The following PEAK1 variants were observed in gnomAD, a reference collection of about 807,000 sequenced individuals.
The protein encoded by PEAK1 is inactive tyrosine-protein kinase PEAK1.
In PEAK1, 54 loss-of-function variants were observed where a neutral mutation model predicts 124.7. That is an observed-to-expected ratio of 0.43 (90% CI 0.35 to 0.54). The LOEUF (loss-of-function observed/expected upper bound fraction) is 0.54. Among genes scored for constraint, PEAK1 ranks in the 20% least tolerant of loss-of-function variants. PEAK1 has a pLI of 0.01. For synonymous variants in PEAK1, 719 were observed against 760.0 expected (o/e 0.95, Z 0.89); for missense variants, 2,046 against 2,134.5 (o/e 0.96, Z 0.82).
intron 6 of PEAK1, among the ~76,000 whole-genome samples, chr15:77,182,478 T>C (rs1280203519): frequency 6.6e-6 from 1 of 152,084 alleles, no homozygotes; most frequent in East Asian, 1.9e-4. Context: ...CTGGGTGCAG[T>C]GGCTCATGCC....
chr15:77,313,872 G>A (rs1057017838), intron 2 of PEAK1, among the ~76,000 whole-genome samples: 5 of 151,406 alleles, frequency 3.3e-5, no homozygotes, highest in East Asian at 1.9e-4. Flanking sequence ...GTGAGCCACC[G>A]TGCCCGGCCA....
chr15:77,112,173 G>A lies in PEAK1; in HGVS notation c.*1983C>T, dbSNP rs904599420. 1 of 152,198 alleles carries A rather than the reference G, an allele frequency of 6.6e-6. No individual in the cohort carries two copies. The highest frequency in any genetic ancestry group is 1.5e-5 in the Non-Finnish European group (1 of 68,038). The allele number at this position is 152,198 out of a possible 1,614,324, so 9.4% of individuals were successfully genotyped here. On this transcript the variant is annotated 3_prime_UTR_variant, in exon 10 of 10. Transcript: ENST00000682557. ...TGTGGGCTAACCAGCCTTCTTTCCT[G>A]TGAGTCCTATATTGCTGGCCAGGGG... is the stretch of plus-strand genomic sequence containing the variant.
intron 6 of PEAK1, among the ~76,000 whole-genome samples, chr15:77,206,548 G>GCA: frequency 6.6e-6 from 1 of 151,652 alleles, no homozygotes; most frequent in Non-Finnish European, 1.5e-5. Flanking sequence ...ATCTCATAGT[G>GCA]GTTTTGATTT....
chr15:77,228,951 G>T (rs933633574), intron 6 of PEAK1, among the ~76,000 whole-genome samples: 1 of 152,022 alleles, frequency 6.6e-6, no homozygotes, highest in Admixed American at 6.6e-5. Flanking sequence ...TGCCATAGGG[G>T]ACTCTTTATG....
At chr15:77,300,562 C>T (rs765072190) in intron 2 of PEAK1, among the ~76,000 whole-genome samples, 2 of 152,122 alleles carry the variant, frequency 1.3e-5, no homozygotes, top group African/African-American at 2.4e-5. Context: ...TCTCCAATTA[C>T]GAACATTTTA....
intron 5 of PEAK1, 139 bp from the exon 6 acceptor site, chr15:77,252,665 T>C: frequency 2.0e-6 from 1 of 496,828 alleles, no homozygotes; most frequent in Non-Finnish European, 2.6e-6. Flanking sequence ...ATATCTTTTC[T>C]ACTTAGGTGG....
intron 5 of PEAK1, among the ~76,000 whole-genome samples, chr15:77,271,351 A>G (rs1255245962): frequency 6.6e-6 from 1 of 152,220 alleles, no homozygotes; most frequent in Admixed American, 6.5e-5. Context: ...AACTAGTTCA[A>G]CCATTGTGGA....
At chr15:77,417,460 G>GA in intron 1 of PEAK1, 1 of 786,998 alleles carries the variant, frequency 1.3e-6, no homozygotes, top group Non-Finnish European at 1.5e-6. Context: ...GATGCGGGGC[G>GA]GGGGGGGAGG....
chr15:77,218,317 A>G (rs1428728086), intron 6 of PEAK1, among the ~76,000 whole-genome samples: 1 of 152,134 alleles, frequency 6.6e-6, no homozygotes, highest in Non-Finnish European at 1.5e-5. Flanking sequence ...TTACTTTGAT[A>G]CAAACATTTT....
chr15:77,119,265 G>C (rs539043904), intron 9 of PEAK1, among the ~76,000 whole-genome samples: 1 of 152,296 alleles, frequency 6.6e-6, no homozygotes, highest in African/African-American at 2.4e-5. Flanking sequence ...AGGAGTCAGA[G>C]GAACATCAAA....
At chr15:77,297,757 CAAAAAAAAAAA>C (rs370114659) in intron 2 of PEAK1, among the ~76,000 whole-genome samples, 6 of 85,402 alleles carry the variant, frequency 7.0e-5, no homozygotes, top group African/African-American at 1.5e-4. Context: ...GATTTTGCCT[CAAAAAAAAAAA>C]AAAAAAAAGG....
intron 1 of PEAK1, chr15:77,418,213 CA>C (rs1168266157): frequency 2.0e-6 from 2 of 985,034 alleles, no homozygotes; most frequent in African/African-American, 3.5e-5. Context: ...TTTCTTTCAC[CA>C]AAACACTTCT....
chr15:77,137,149 T>C (rs1434747844), intron 8 of PEAK1, among the ~76,000 whole-genome samples: 2 of 152,208 alleles, frequency 1.3e-5, no homozygotes, highest in Non-Finnish European at 2.9e-5. Flanking sequence ...TTTCAGAGGA[T>C]GTATGAAAAC....
intron 2 of PEAK1, chr15:77,333,535 A>G: frequency 1.2e-6 from 1 of 861,362 alleles, no homozygotes; most frequent in Non-Finnish European, 1.4e-6. Context: ...TTGATTATAT[A>G]TTTACACACA....
At chr15:77,150,220 A>T (rs980216541) in intron 8 of PEAK1, among the ~76,000 whole-genome samples, 1 of 152,170 alleles carries the variant, frequency 6.6e-6, no homozygotes, top group East Asian at 1.9e-4. Context: ...GGAAAACAGT[A>T]GGAGCCCTTC....
intron 1 of PEAK1, among the ~76,000 whole-genome samples, chr15:77,412,896 G>C (rs888207657): frequency 2.0e-5 from 3 of 152,074 alleles, no homozygotes; most frequent in African/African-American, 4.8e-5. Flanking sequence ...CACAGAAGTA[G>C]ACCTAAAAGA....
chr15:77,133,720 T>C lies in PEAK1; in HGVS notation c.3362A>G (p.Lys1121Arg), dbSNP rs1429904382. The C allele has an allele frequency of 2.5e-6, 4 of 1,610,382 alleles. No homozygotes were observed. The Admixed American group carries it at 5.1e-5, about 20-fold the overall frequency. The stretch of plus-strand genomic sequence containing the variant: ...AGCTCCCTTGGGCTGTCGTGGCTGC[T>C]TGGGAGGTATCATGGCTGCTCTAGA... ...GQSRAAMIPP[K>R]QPRQPKGAVD... The change falls in exon 9 of 10, where the codon AAG (lysine) becomes AGG (arginine). Residue 1121 changes from lysine to arginine, a missense_variant. Lys to Arg is a conservative substitution (Grantham distance 26). Transcript: ENST00000682557. This position sits in a 1 kb window ranked among gnomAD's most constrained non-coding sequence, Gnocchi z 4.2.
chr15:77,367,614 T>A (rs539696859), intron 1 of PEAK1, among the ~76,000 whole-genome samples: 1 of 152,230 alleles, frequency 6.6e-6, no homozygotes, highest in African/African-American at 2.4e-5. Context: ...TAAATTTGCA[T>A]AGAAGAGGCT....
At chr15:77,225,946 G>C (rs1335824063) in intron 6 of PEAK1, among the ~76,000 whole-genome samples, 1 of 144,340 alleles carries the variant, frequency 6.9e-6, no homozygotes, top group Non-Finnish European at 1.5e-5. Context: ...TGTTTATGCT[G>C]AGCATTACGC....
Sources: allele counts gnomAD v4.1 joint callset (sites outside exome capture counted in the v4.1 genomes callset), GRCh38; gene constraint gnomAD v4.1.1; non-coding constraint Gnocchi (gnomAD v3.1); transcripts MANE v1.5; gene names NCBI Gene and HGNC (gene_info 2026-07-23, HGNC 2026-07-21).